Variants in LILRB1 observed in about 807,000 individuals in gnomAD.
The protein encoded by LILRB1 is leukocyte immunoglobulin-like receptor subfamily B member 1.
A neutral mutation model predicts 74.6 loss-of-function variants in LILRB1; 59 were observed. The observed-to-expected ratio is 0.79, with a 90% confidence interval of 0.64 to 0.98. LILRB1 has a LOEUF of 0.98. Ranked by LOEUF, LILRB1 falls within the 50% of genes least tolerant of loss-of-function variation. The pLI is 0.00. For missense variants in LILRB1, 804 were observed against 822.6 expected (o/e 0.98, Z 0.28); for synonymous variants, 328 against 333.9 (o/e 0.98, Z 0.19).
At chr19:54,627,857 C>T (rs78532174), upstream of LILRB1, among the ~76,000 whole-genome samples, 23 of 152,138 alleles carry the variant, frequency 1.5e-4, no homozygotes, top group Non-Finnish European at 2.4e-4. Context: ...CAGTAGCGGA[C>T]GCCAGCTGAG....
At chr19:54,632,413 G>T in intron 5 of LILRB1, 51 bp from the exon 6 acceptor site, 2 of 1,558,836 alleles carry the variant, frequency 1.3e-6, no homozygotes, top group Non-Finnish European at 1.7e-6. Context: ...GGGAAGATTT[G>T]TGGGGAAGCC....
chr19:54,636,330 C>T (rs1321002958), intron 13 of LILRB1, 164 bp from the exon 14 acceptor site: 45 of 1,382,776 alleles, frequency 3.3e-5, no homozygotes, highest in Non-Finnish European at 4.3e-5. Flanking sequence ...GAGCAGAGGC[C>T]AGAACCACAG....
At chr19:54,634,499 C>T in intron 9 of LILRB1, 142 bp from the exon 10 acceptor site, 7 of 1,516,698 alleles carry the variant, frequency 4.6e-6, no homozygotes, top group Non-Finnish European at 6.3e-6. Context: ...TTCATCTGTA[C>T]AGTGGGTGGG....
intron 1 of LILRB1, among the ~76,000 whole-genome samples, chr19:54,617,777 C>A (rs1023944123): frequency 6.6e-6 from 1 of 151,948 alleles, no homozygotes; most frequent in African/African-American, 2.4e-5. Context: ...ATTTAGCTGA[C>A]AACTGCCTGG....
chr19:54,630,236 A>G (rs2063730849), upstream of LILRB1, among the ~76,000 whole-genome samples: 1 of 151,484 alleles, frequency 6.6e-6, no homozygotes, highest in Non-Finnish European at 1.5e-5. Context: ...CCAACTCCCC[A>G]AATCAAAGCT....
At chr19:54,634,238 C>T (rs2064183684) in intron 9 of LILRB1, 4 of 1,499,554 alleles carry the variant, frequency 2.7e-6, no homozygotes, top group African/African-American at 2.8e-5. Flanking sequence ...AGGAGGCCTC[C>T]CAGGGAACCT....
At chr19:54,632,816 G>A (rs1210652290) in intron 6 of LILRB1, 56 bp downstream of exon 6, 73 of 1,604,190 alleles carry the variant, frequency 4.6e-5, no homozygotes, top group Non-Finnish European at 3.5e-5. Flanking sequence ...GCCCTGCCGG[G>A]GGAGCTCAGG....
In LILRB1 at chr19:54,637,530, A is replaced by T. The variant is rs908823633; in HGVS notation, c.*652A>T. 4 of 142,808 alleles carry T rather than the reference A, an allele frequency of 2.8e-5. No homozygotes were observed. The highest frequency in any genetic ancestry group is 1.0e-4 in the African/African-American group (4 of 38,176). 8.8% of individuals were successfully genotyped at this position (142,808 alleles called of 1,614,324 possible). A position where few individuals can be genotyped will look rare whatever the true frequency, so the allele number is the denominator to read the frequency against. On this transcript the variant is annotated 3_prime_UTR_variant, in exon 15 of 15. Coordinates refer to ENST00000324602, the MANE Select transcript of LILRB1 (RefSeq NM_001081637.3). ...CAGAGGGAGACTCCATCTCAAATTAAAAAAAAAAAAAAAAAAGAAAGAAAA... is the reference window on the plus strand; with the variant it reads ...CAGAGGGAGACTCCATCTCAAATTATAAAAAAAAAAAAAAAAGAAAGAAAA...
chr19:54,617,657 A>G (rs1830468842), intron 1 of LILRB1, among the ~76,000 whole-genome samples: 1 of 151,778 alleles, frequency 6.6e-6, no homozygotes, highest in Admixed American at 6.6e-5. Context: ...CAGTGAACCC[A>G]TTTTAATTTC....
intron 13 of LILRB1, chr19:54,636,007 G>A (rs879693477): frequency 1.8e-5 from 10 of 550,412 alleles, no homozygotes; most frequent in Non-Finnish European, 3.2e-5. Flanking sequence ...AGCCGCCCCC[G>A]CCTCCTGAGC....
rs1395375851 is a variant in LILRB1, at chr19:54,636,857, C to T, written c.1938C>T (p.Tyr646=). 18 of 1,613,532 alleles carry T rather than the reference C, an allele frequency of 1.1e-5. No homozygotes were observed. The highest frequency in any genetic ancestry group is 9.9e-5 in the South Asian group (9 of 91,074). ...CCTCTCCAGCTGTGCCCAGCATCTACGCCACTCTGGCCATCCACTAGCCCA... is the reference window on the plus strand; with the variant it reads ...CCTCTCCAGCTGTGCCCAGCATCTATGCCACTCTGGCCATCCACTAGCCCA... ...EGPSPAVPSI[Y]ATLAIH is the part of the protein sequence containing the mutation. Residue 646 remains tyrosine (Y), a synonymous_variant, in exon 15 of 15, where the codon TAC becomes TAT. Transcript: ENST00000324602.
rs555845352 is a variant in LILRB1 at position 54,623,196 on chromosome 19, A to G, written c.-166+5847A>G. 3.3e-5 allele frequency among the ~76,000 whole-genome samples: 5 copies of G among 152,318 alleles called. No homozygotes were observed. In the East Asian group the frequency reaches 9.6e-4, roughly 29 times the overall value. On this transcript the variant is annotated intron_variant, in intron 1 of 15. Coordinates refer to the LILRB1 transcript ENST00000396331. The stretch of plus-strand genomic sequence containing the variant: ...GTTTCATAGAATGAGCTAGGAAAGA[A>G]TCCCATCGCCTTGATTTTTTGGAAT...
chr19:54,634,485 G>C, intron 9 of LILRB1, 156 bp from the exon 10 acceptor site: 2 of 1,521,350 alleles, frequency 1.3e-6, no homozygotes, highest in Non-Finnish European at 1.8e-6. Context: ...CTGAGCGTCA[G>C]TTTTTCATCT....
Position 54,633,118 on chromosome 19 carries a change from C to G in LILRB1, c.1061C>G (p.Thr354Ser), listed in dbSNP as rs751863308. The G allele has an allele frequency of 1.2e-6, 2 of 1,614,276 alleles. No individual in the cohort carries two copies. Among genetic ancestry groups the G allele is most frequent in the Non-Finnish European group, 1.7e-6 (2 of 1,180,044 alleles). ...TGTCAGTCACAGGGATGGATGCAAA[C>G]TTTCCTTCTGACCAAGGAGGGGGCA... is the stretch of plus-strand genomic sequence containing the variant. Reference protein sequence around the residue: ...LLCQSQGWMQTFLLTKEGAAD... With the variant: ...LLCQSQGWMQSFLLTKEGAAD... The change falls in exon 7 of 15, where the codon ACT (threonine) becomes AGT (serine). Residue 354 changes from threonine (T) to serine (S), a missense_variant. Physicochemically the swap from Thr to Ser is moderately conservative, Grantham distance 58 (BLOSUM62 1). Coordinates refer to ENST00000324602, the MANE Select transcript of LILRB1 (RefSeq NM_001081637.3).
intron 7 of LILRB1, 138 bp from the exon 8 acceptor site, chr19:54,633,500 C>T (rs958844570): frequency 2.3e-5 from 27 of 1,187,230 alleles, no homozygotes; most frequent in African/African-American, 9.3e-5. Context: ...TCAGTGGCAT[C>T]GCCAGCATCA....
chr19:54,618,583 G>C (rs909176906), intron 1 of LILRB1, among the ~76,000 whole-genome samples: 3 of 152,168 alleles, frequency 2.0e-5, no homozygotes, highest in Non-Finnish European at 4.4e-5. Flanking sequence ...GCCGAGGCTG[G>C]TGGATCACCT....
chr19:54,632,395 G>C lies in LILRB1; in HGVS notation c.662-69G>C. 3 of 1,548,840 alleles carry C rather than the reference G, an allele frequency of 1.9e-6. No homozygotes were observed. The South Asian group carries it at 3.7e-5, about 19-fold the overall frequency. On this transcript the variant is annotated intron_variant, in intron 5 of 14. Transcript: ENST00000324602. ...GGAAGATCAGCAGTGATGTGGCCCCGGGGGAAAGGGAAGATTTGTGGGGAA... is the reference window on the plus strand; with the variant it reads ...GGAAGATCAGCAGTGATGTGGCCCCCGGGGAAAGGGAAGATTTGTGGGGAA...
At chr19:54,624,802 G>A (rs1041884559) in intron 1 of LILRB1, among the ~76,000 whole-genome samples, 19 of 152,114 alleles carry the variant, frequency 1.2e-4, no homozygotes, top group Non-Finnish European at 1.5e-4. Context: ...ACCCTCAGGC[G>A]GGGCAGGCAG....
At chr19:54,618,129 A>G (rs1450653828) in intron 1 of LILRB1, among the ~76,000 whole-genome samples, 1 of 146,234 alleles carries the variant, frequency 6.8e-6, no homozygotes, top group East Asian at 2.0e-4. Context: ...AAAAAGAAAA[A>G]AAGAAAAAAA....
Sources: allele counts gnomAD v4.1 joint callset (sites outside exome capture counted in the v4.1 genomes callset), GRCh38; gene constraint gnomAD v4.1.1; transcripts MANE v1.5; gene names NCBI Gene and HGNC (gene_info 2026-07-23, HGNC 2026-07-21).